Variants in LAMA1 observed in about 807,000 individuals in gnomAD.
LAMA1 encodes the protein laminin subunit alpha-1.
In LAMA1, 219 loss-of-function variants were observed where a neutral mutation model predicts 348.7. The ratio of observed to expected loss-of-function variants is 0.63; its 90% confidence interval spans 0.56 to 0.70. The LOEUF (loss-of-function observed/expected upper bound fraction) is 0.70. LAMA1 is among the 30% of genes least tolerant of loss of function. The pLI is 0.00. For synonymous variants in LAMA1, 1,487 were observed against 1,491.0 expected (o/e 1.00, Z 0.06); for missense variants, 3,744 against 3,888.0 (o/e 0.96, Z 0.99).
In LAMA1 at chr18:6,959,477, T is replaced by G; in HGVS notation, c.7642A>C (p.Met2548Leu). Residue 2548 changes from methionine to leucine, a missense_variant, in exon 54 of 63, where the codon ATG (methionine) becomes CTG (leucine). Transcript: ENST00000389658. ...EEAHVPFFSV[M>L]LIGGNIEVHV... The stretch of plus-strand genomic sequence containing the variant: ...ACCTCAATGTTGCCTCCGATCAGCA[T>G]GACGGAAAAGAAGGGCTGGGGAGGT... 3.7e-6 allele frequency: 6 copies of G among 1,614,190 alleles called. No homozygotes were observed. Among genetic ancestry groups the G allele is most frequent in the Non-Finnish European group, 4.2e-6 (5 of 1,180,048 alleles).
chr18:7,018,687 G>A (rs1015509544), intron 19 of LAMA1, among the ~76,000 whole-genome samples: 1 of 152,130 alleles, frequency 6.6e-6, no homozygotes, highest in Non-Finnish European at 1.5e-5. Flanking sequence ...GAGCCACCGC[G>A]CCGGGCCCCC....
intron 62 of LAMA1, among the ~76,000 whole-genome samples, chr18:6,942,467 G>A (rs2057503285): frequency 6.6e-6 from 1 of 151,850 alleles, no homozygotes; most frequent in South Asian, 2.1e-4. Context: ...AGGCTGGAGT[G>A]CAGTGGCGCG....
At chr18:7,012,608 C>T (rs1285466219) in intron 23 of LAMA1, among the ~76,000 whole-genome samples, 3 of 150,650 alleles carry the variant, frequency 2.0e-5, no homozygotes, top group Admixed American at 6.6e-5. Flanking sequence ...CGGGTTCAAG[C>T]GATTCTCCTG....
chr18:7,080,318 C>G lies in LAMA1; in HGVS notation c.201G>C (p.Arg67=). ...GGTTTGCGCTGTTGCCATCACAGATCCGGCACTGTGGGTTTCGGACGGGCC... is the reference window on the plus strand; with the variant it reads ...GGTTTGCGCTGTTGCCATCACAGATGCGGCACTGTGGGTTTCGGACGGGCC... The part of the protein sequence containing the change: ...PGRPVRNPQC[R]ICDGNSANPR... Residue 67 remains arginine, a synonymous_variant, in exon 2 of 63, where the codon CGG becomes CGC. Coordinates refer to ENST00000389658, the MANE Select transcript of LAMA1 (RefSeq NM_005559.4). 1 of 1,614,240 alleles carries G rather than the reference C, an allele frequency of 6.2e-7. No homozygotes were observed. Among genetic ancestry groups the G allele is most frequent in the Non-Finnish European group, 8.5e-7 (1 of 1,180,050 alleles).
intron 16 of LAMA1, among the ~76,000 whole-genome samples, chr18:7,030,259 C>T (rs927941996): frequency 1.3e-5 from 2 of 152,170 alleles, no homozygotes; most frequent in African/African-American, 4.8e-5. Flanking sequence ...AATGTGTAAC[C>T]TCAACCTAGT....
chr18:6,965,422 A>G lies in LAMA1; in HGVS notation c.7061T>C (p.Leu2354Ser), dbSNP rs888650171. The change falls in exon 50 of 63, where the codon TTA becomes TCA. Residue 2354 changes from leucine (L) to serine (S), a missense_variant. Physicochemically the swap from Leu to Ser is moderately radical, Grantham distance 145. Transcript: ENST00000389658. ...YLGSYGTKDFLSIELFRGRVK... is the reference protein window; with the variant it reads ...YLGSYGTKDFSSIELFRGRVK... The stretch of plus-strand genomic sequence containing the variant: ...TCTGCCACGAAACAGCTCGATGGAT[A>G]AAAAGTCTTTCTGTAAAAAAGAGAA... The G allele has an allele frequency of 2.5e-6, 4 of 1,614,052 alleles. No individual in the cohort carries two copies. Among genetic ancestry groups the G allele is most frequent in the Admixed American group, 1.7e-5 (1 of 60,006 alleles).
At chr18:6,959,950 C>T (rs1023007933) in intron 53 of LAMA1, 10 of 244,564 alleles carry the variant, frequency 4.1e-5, no homozygotes, top group East Asian at 1.0e-4. Context: ...AATTTTTTTT[C>T]GACACATTGA....
chr18:7,064,230 G>A (rs551551227), intron 3 of LAMA1, among the ~76,000 whole-genome samples: 2 of 151,912 alleles, frequency 1.3e-5, no homozygotes, highest in Admixed American at 6.6e-5. Flanking sequence ...ACAAAAAAAG[G>A]TTACAATGGT....
intron 9 of LAMA1, 58 bp from the exon 10 acceptor site, chr18:7,040,294 G>A (rs929264246): frequency 9.8e-5 from 155 of 1,582,264 alleles, no homozygotes; most frequent in Non-Finnish European, 1.2e-4. Flanking sequence ...TTAAAGCAGG[G>A]GTTGGCAAAT....
At chr18:7,110,947 A>G (rs2058333440) in intron 1 of LAMA1, among the ~76,000 whole-genome samples, 1 of 149,256 alleles carries the variant, frequency 6.7e-6, no homozygotes. Context: ...AAATTTAAGC[A>G]TCTTCTTTAA....
In LAMA1 at chr18:6,985,297, A is replaced by G. The variant is rs1335261122; in HGVS notation, c.5600T>C (p.Leu1867Pro). Reference sequence around the variant, plus strand: ...GGCATGGTCCTCAGCTCTGTAGACCAGGTCGACTGCGTTCCTTTGGGACAT... The same window carrying G: ...GGCATGGTCCTCAGCTCTGTAGACCGGGTCGACTGCGTTCCTTTGGGACAT... ...MHMSQRNAVD[L>P]VYRAEDHAAE... The change falls in exon 39 of 63, where the codon CTG becomes CCG. Residue 1867 changes from leucine to proline, a missense_variant. Leu to Pro is a moderately conservative substitution (Grantham distance 98). Coordinates refer to ENST00000389658, the MANE Select transcript of LAMA1 (RefSeq NM_005559.4). The G allele has an allele frequency of 6.2e-7, 1 of 1,614,208 alleles. No homozygotes were observed. The highest frequency in any genetic ancestry group is 1.7e-5 in the Admixed American group (1 of 60,024).
rs1274677384 is a variant in LAMA1 at position 7,011,312 on chromosome 18, G to A, written c.3675C>T (p.Phe1225=). 1 of 1,610,128 alleles carries A rather than the reference G, an allele frequency of 6.2e-7. No individual in the cohort carries two copies. The highest frequency in any genetic ancestry group is 1.7e-5 in the Admixed American group (1 of 59,708). The part of the protein sequence containing the change: ...EPFYWRLPQQ[F]QGDQLMAYGG... Reference sequence around the variant, plus strand: ...GCGTGCACCTCACCTGGTCTCCTTGGAACTGCTGCGGCAGCCGCCAGTAAA... The same window carrying A: ...GCGTGCACCTCACCTGGTCTCCTTGAAACTGCTGCGGCAGCCGCCAGTAAA... Residue 1225 remains phenylalanine (F), a synonymous_variant, in exon 25 of 63, where the codon TTC becomes TTT. Coordinates refer to ENST00000389658, the MANE Select transcript of LAMA1 (RefSeq NM_005559.4).
At chr18:7,009,564 A>G (rs2057849750) in intron 26 of LAMA1, among the ~76,000 whole-genome samples, 198 bp from the exon 27 acceptor site, 1 of 152,182 alleles carries the variant, frequency 6.6e-6, no homozygotes, top group African/African-American at 2.4e-5. Context: ...ATAGATATGC[A>G]TTACCTAAGG....
At position 7,009,302 on chromosome 18, in the gene LAMA1, A is replaced by T. The variant is rs1366240654; in HGVS notation, c.3938T>A (p.Val1313Asp). 1.2e-6 allele frequency: 2 copies of T among 1,613,964 alleles called. No individual in the cohort carries two copies. The highest frequency in any genetic ancestry group is 1.7e-5 in the Admixed American group (1 of 60,012). ...GAGGATGTACTCAATATCGCTGAGGACAGACATAAAATCCTCTCGCGTGAC... is the reference window on the plus strand; with the variant it reads ...GAGGATGTACTCAATATCGCTGAGGTCAGACATAAAATCCTCTCGCGTGAC... The part of the protein sequence containing the change: ...KPVTREDFMS[V>D]LSDIEYILIK... The change falls in exon 27 of 63, where the codon GTC becomes GAC. Residue 1313 changes from valine (V) to aspartate (D), a missense_variant. Transcript: ENST00000389658.
chr18:7,097,720 C>G (rs527696045), intron 1 of LAMA1, among the ~76,000 whole-genome samples: 80 of 152,268 alleles, frequency 5.3e-4, no homozygotes, highest in African/African-American at 1.9e-3. Flanking sequence ...AAAGTATATA[C>G]TTATTTTTAT....
intron 56 of LAMA1, 152 bp downstream of exon 56, chr18:6,956,484 G>C: frequency 1.5e-6 from 2 of 1,315,608 alleles, no homozygotes; most frequent in Middle Eastern, 3.6e-4. Flanking sequence ...TTCCCTCCCT[G>C]TCCCCGCTCT....
chr18:6,942,220 G>A lies in LAMA1; in HGVS notation c.9087C>T (p.Cys3029=), dbSNP rs1471102366. 6 of 1,614,054 alleles carry A rather than the reference G, an allele frequency of 3.7e-6. No individual in the cohort carries two copies. In the South Asian group the frequency reaches 6.6e-5, roughly 18 times the overall value. Residue 3029 remains cysteine, a synonymous_variant, in exon 63 of 63, where the codon TGC becomes TGT. Coordinates refer to ENST00000389658, the MANE Select transcript of LAMA1 (RefSeq NM_005559.4). ...CGCGGAACGAGGTCTGGCTGCGCAG[G>A]CATTTTTGCTTCACACCAGCTGTTC... ...GGYPAGVKQK[C]LRSQTSFRGC...
At chr18:6,947,089 G>T in intron 61 of LAMA1, 74 bp downstream of exon 61, 1 of 1,581,492 alleles carries the variant, frequency 6.3e-7, no homozygotes, top group South Asian at 1.1e-5. Context: ...TTGTGAATTT[G>T]AATCTGCTGT....
At chr18:7,098,609 C>T (rs1348920604) in intron 1 of LAMA1, among the ~76,000 whole-genome samples, 9 of 151,056 alleles carry the variant, frequency 6.0e-5, no homozygotes, top group African/African-American at 2.2e-4. Context: ...GACCCTCTGC[C>T]CGGCAACCGC....
Sources: gnomAD v4.1 joint callset for allele counts (sites outside exome capture counted in the v4.1 genomes callset) on GRCh38, gnomAD v4.1.1 for gene constraint, MANE v1.5 for transcripts, NCBI Gene and HGNC (gene_info 2026-07-23, HGNC 2026-07-21) for gene names.